The following MAGI1 variants were observed in gnomAD, a reference collection of about 807,000 sequenced individuals.
The protein encoded by MAGI1 is membrane-associated guanylate kinase, WW and PDZ domain-containing protein 1.
In MAGI1, 58 loss-of-function variants were observed where a neutral mutation model predicts 139.9. The observed-to-expected ratio is 0.41, with a 90% CI of 0.34 to 0.52. The LOEUF (loss-of-function observed/expected upper bound fraction) is 0.52. Ranked by LOEUF, MAGI1 falls within the 20% of genes least tolerant of loss-of-function variation. The probability of loss-of-function intolerance (pLI) is 0.12; values close to 1 mark genes in which losing one functional copy is unlikely to be tolerated. For synonymous variants in MAGI1, 812 were observed against 737.9 expected (o/e 1.10, Z -1.63); for missense variants, 1,874 against 1,901.6 (o/e 0.99, Z 0.27).
At chr3:65,390,918 TTA>T (rs1303137894) in intron 14 of MAGI1, among the ~76,000 whole-genome samples, 1 of 152,134 alleles carries the variant, frequency 6.6e-6, no homozygotes, top group Non-Finnish European at 1.5e-5. Flanking sequence ...CCCAGGGCAT[TTA>T]TGTGATAACC....
At chr3:65,484,308 T>C (rs185768845) in intron 3 of MAGI1, among the ~76,000 whole-genome samples, 14 of 151,998 alleles carry the variant, frequency 9.2e-5, no homozygotes, top group African/African-American at 3.4e-4. Flanking sequence ...CCAAGGTAAA[T>C]GGGGGTGGGA....
At chr3:65,686,867 G>A (rs2088088748) in intron 1 of MAGI1, among the ~76,000 whole-genome samples, 1 of 152,150 alleles carries the variant, frequency 6.6e-6, no homozygotes, top group Non-Finnish European at 1.5e-5. Context: ...CTTTTTCTTT[G>A]TAACTTTACT....
chr3:65,750,276 G>A (rs961009241), intron 1 of MAGI1, among the ~76,000 whole-genome samples: 10 of 152,184 alleles, frequency 6.6e-5, no homozygotes, highest in Non-Finnish European at 1.3e-4. Context: ...AGTTACATAT[G>A]TGATGAGGAG....
chr3:65,492,863 G>A (rs1005988191), intron 3 of MAGI1, among the ~76,000 whole-genome samples: 2 of 152,054 alleles, frequency 1.3e-5, no homozygotes, highest in Non-Finnish European at 1.5e-5. Context: ...CGGATCACGA[G>A]GTCAGGAGAT....
At chr3:65,859,184 C>T (rs1246665568) in intron 1 of MAGI1, among the ~76,000 whole-genome samples, 1 of 151,766 alleles carries the variant, frequency 6.6e-6, no homozygotes, top group Non-Finnish European at 1.5e-5. Flanking sequence ...AATACAAAAA[C>T]TAGCTGGGCA....
At chr3:65,640,386 T>C (rs1489807957) in intron 1 of MAGI1, among the ~76,000 whole-genome samples, 2 of 152,168 alleles carry the variant, frequency 1.3e-5, no homozygotes, top group Non-Finnish European at 2.9e-5. Context: ...AATGAATAAG[T>C]TGGATTCGAC....
intron 1 of MAGI1, among the ~76,000 whole-genome samples, chr3:65,776,891 C>G (rs1334387821): frequency 3.3e-5 from 5 of 152,280 alleles, no homozygotes; most frequent in Admixed American, 1.3e-4. Context: ...TTCATTCATA[C>G]CCTGGTTATG....
At chr3:65,663,029 G>T (rs1201573200) in intron 1 of MAGI1, among the ~76,000 whole-genome samples, 1 of 152,240 alleles carries the variant, frequency 6.6e-6, no homozygotes, top group East Asian at 1.9e-4. Context: ...TGTTTCAAAG[G>T]AGGTACACCT....
chr3:65,988,868 T>C (rs1009102271), intron 1 of MAGI1, among the ~76,000 whole-genome samples: 1 of 152,228 alleles, frequency 6.6e-6, no homozygotes, highest in Non-Finnish European at 1.5e-5. Flanking sequence ...ACAATATTTT[T>C]ATGCCCTGAT....
At chr3:65,700,368 G>C (rs1027042509) in intron 1 of MAGI1, among the ~76,000 whole-genome samples, 1 of 151,928 alleles carries the variant, frequency 6.6e-6, no homozygotes, top group Non-Finnish European at 1.5e-5. Context: ...CTTGAACCGG[G>C]ACCCAGGAGG....
chr3:65,852,025 A>G (rs1575708515), intron 1 of MAGI1, among the ~76,000 whole-genome samples: 1 of 152,332 alleles, frequency 6.6e-6, no homozygotes, highest in African/African-American at 2.4e-5. Context: ...AAGTAGGAAT[A>G]AAAGCGAATA....
chr3:65,967,249 G>C (rs973426748), intron 1 of MAGI1, among the ~76,000 whole-genome samples: 1 of 152,228 alleles, frequency 6.6e-6, no homozygotes, highest in Non-Finnish European at 1.5e-5. Context: ...TAAAATGTCA[G>C]TGGCAGAATC....
At chr3:65,455,106 G>C (rs4375986) in intron 5 of MAGI1, among the ~76,000 whole-genome samples, 43,272 of 151,874 alleles carry the variant, frequency 0.28, 7,145 homozygotes, top group African/African-American at 0.45. Flanking sequence ...GCAGGATTAA[G>C]AAAAAAACTG....
chr3:65,619,975 T>C (rs1453724521), intron 2 of MAGI1: 4 of 985,456 alleles, frequency 4.1e-6, no homozygotes, highest in Non-Finnish European at 4.8e-6. Flanking sequence ...ATTTTTCCAC[T>C]GTTTTTAAAA....
intron 1 of MAGI1, among the ~76,000 whole-genome samples, chr3:65,979,088 T>TCCCCCCC (rs200894076): frequency 2.1e-3 from 110 of 52,968 alleles, no homozygotes; most frequent in African/African-American, 3.1e-3. Context: ...TTTCTTTTCT[T>TCCCCCCC]CCCCCCCCCC....
At chr3:65,372,610 A>C (rs548731271) in intron 18 of MAGI1, among the ~76,000 whole-genome samples, 1 of 150,228 alleles carries the variant, frequency 6.7e-6, no homozygotes, top group Admixed American at 6.6e-5. Flanking sequence ...TAGCTAGGAA[A>C]GTCTTAAATG....
chr3:65,493,473 A>G (rs752209921), intron 3 of MAGI1, 39 bp downstream of exon 3: 33 of 1,613,682 alleles, frequency 2.0e-5, no homozygotes, highest in Non-Finnish European at 2.8e-5. Context: ...TCAAGTACCC[A>G]GGAGAGAAGC....
At chr3:65,504,934 G>T (rs946709909) in intron 2 of MAGI1, among the ~76,000 whole-genome samples, 24 of 152,284 alleles carry the variant, frequency 1.6e-4, no homozygotes, top group African/African-American at 5.5e-4. Context: ...TTCTCAGGTT[G>T]TAACTGATTC....
At chr3:65,982,914 ATTTT>A (rs1268078708) in intron 1 of MAGI1, among the ~76,000 whole-genome samples, 1 of 152,046 alleles carries the variant, frequency 6.6e-6, no homozygotes, top group African/African-American at 2.4e-5. Flanking sequence ...AAGGAAAATG[ATTTT>A]TTATTTTTTT....
Sources: gnomAD v4.1 joint callset for allele counts (sites outside exome capture counted in the v4.1 genomes callset) on GRCh38, gnomAD v4.1.1 for gene constraint, MANE v1.5 for transcripts, NCBI Gene and HGNC (gene_info 2026-07-23, HGNC 2026-07-21) for gene names.